Variants in TGFB1 observed in about 807,000 individuals in gnomAD.
TGFB1 encodes transforming growth factor beta 1, also known as transforming growth factor beta-1 proprotein.
Under a neutral mutation model 43.8 loss-of-function variants are expected in TGFB1, and 19 were observed. The ratio of observed to expected loss-of-function variants is 0.43; its 90% CI spans 0.30 to 0.64. The LOEUF (loss-of-function observed/expected upper bound fraction) is 0.64, where lower values mean the gene tolerates loss of function less well. Ranked by LOEUF, TGFB1 falls within the 30% of genes least tolerant of loss-of-function variation. The pLI, the probability that TGFB1 is intolerant of heterozygous loss-of-function variation, is 0.11. For synonymous variants in TGFB1, 221 were observed against 236.3 expected, an observed-to-expected ratio of 0.94 and a Z score of 0.60; for missense variants, 445 against 529.8, an observed-to-expected ratio of 0.84 and a Z score of 1.57.
At chr19:41,331,810 C>T (rs755537583) in intron 6 of TGFB1, among the ~76,000 whole-genome samples, 1 of 151,544 alleles carries the variant, frequency 6.6e-6, no homozygotes, top group African/African-American at 2.4e-5. Context: ...GTGTCTGTAT[C>T]TGTCTCTCTC....
chr19:41,335,056 C>CTTTTTT (rs66780031), intron 5 of TGFB1, among the ~76,000 whole-genome samples: 1 of 144,092 alleles, frequency 6.9e-6, no homozygotes, highest in African/African-American at 2.6e-5. Flanking sequence ...TGTCCGGAAT[C>CTTTTTT]TTTTTTTTTT....
chr19:41,345,149 G>A (rs1281382591), intron 2 of TGFB1, among the ~76,000 whole-genome samples: 2 of 152,166 alleles, frequency 1.3e-5, no homozygotes, highest in Non-Finnish European at 2.9e-5. Flanking sequence ...TTCCTCATTG[G>A]TGAAATGCTA....
At chr19:41,351,906 C>G (rs1319877049) in intron 1 of TGFB1, among the ~76,000 whole-genome samples, 1 of 151,952 alleles carries the variant, frequency 6.6e-6, no homozygotes, top group African/African-American at 2.4e-5. Context: ...ACCCAGGACT[C>G]TAGGTCTTCT....
At chr19:41,332,012 T>A in intron 6 of TGFB1, 116 bp downstream of exon 6, 49 of 1,100,812 alleles carry the variant, frequency 4.5e-5, no homozygotes, top group Middle Eastern at 2.2e-4. Context: ...ACCCCATCCC[T>A]CTCTTTCTCC....
intron 1 of TGFB1, among the ~76,000 whole-genome samples, chr19:41,351,927 TTCC>T (rs1006689274): frequency 7.2e-5 from 11 of 152,014 alleles, no homozygotes; most frequent in African/African-American, 2.4e-4. Flanking sequence ...GGAAGCTCGA[TTCC>T]TCCGCTGGGC....
chr19:41,341,000 G>C (rs747688417), intron 5 of TGFB1, among the ~76,000 whole-genome samples: 45 of 152,100 alleles, frequency 3.0e-4, no homozygotes, highest in Non-Finnish European at 6.3e-4. Context: ...ACAATCACAG[G>C]GTTCAACTTT....
chr19:41,339,125 A>ATTTTTTT (rs35169655), intron 5 of TGFB1, among the ~76,000 whole-genome samples: 1 of 140,720 alleles, frequency 7.1e-6, no homozygotes. Context: ...TTCAGGTTTG[A>ATTTTTTT]TTTTTTTTTT....
chr19:41,331,025 C>T lies in TGFB1; in HGVS notation c.*27G>A, dbSNP rs1431588394. On this transcript the variant is annotated 3_prime_UTR_variant, in exon 7 of 7. Transcript: ENST00000221930. ...CGGGGCGGGGTGGGGCCGGGCCTGC[C>T]GGGGCGGGGCGGGGCGGGGCGGGAC... The T allele has an allele frequency of 2.6e-6, 2 of 781,386 alleles. No homozygotes were observed. The highest frequency in any genetic ancestry group is 3.0e-5 in the South Asian group (1 of 33,578). The allele number at this position is 781,386 out of a possible 1,614,324, so 48.4% of individuals were successfully genotyped here.
Position 41,331,081 on chromosome 19 carries a change from T to G in TGFB1, c.1144A>C (p.Met382Leu). The change falls in exon 7 of 7, where the codon ATG (methionine) becomes CTG (leucine). Residue 382 changes from methionine (M) to leucine (L), a missense_variant. This residue lies in a region of TGFB1 where 56 missense variants were observed against 46.9 expected (regional missense o/e 1.19). Coordinates refer to ENST00000221930, the MANE Select transcript of TGFB1 (RefSeq NM_000660.7). ...RKPKVEQLSN[M>L]IVRSCKCS ...CTGCACTTGCAGGAGCGCACGATCA[T>G]GTTGGACAGCTGCTCCACCTTGGGC... 1 of 1,583,838 alleles carries G rather than the reference T, an allele frequency of 6.3e-7. No individual in the cohort carries two copies. The highest frequency in any genetic ancestry group is 1.1e-5 in the South Asian group (1 of 87,566).
rs1038258250 is a variant in TGFB1, at chr19:41,330,694, T to TTCA, written c.*357_*358insTGA. The TTCA allele has an allele frequency of 2.4e-5, 5 of 208,034 alleles. No homozygotes were observed. The highest frequency in any genetic ancestry group is 4.7e-5 in the African/African-American group (2 of 42,790). 12.9% of individuals were successfully genotyped at this position (208,034 alleles called of 1,614,324 possible). A position where few individuals can be genotyped will look rare whatever the true frequency, so the allele number is the denominator to read the frequency against. The stretch of plus-strand genomic sequence containing the variant: ...TCAGAGTGTTGCTATGGTGACTGAA[T>TTCA]GAGTTCATTAATGTAAGGCACTTCA... On this transcript the variant is annotated 3_prime_UTR_variant, in exon 7 of 7. Transcript: ENST00000221930.
chr19:41,331,522 C>A (rs2037930671), intron 6 of TGFB1, among the ~76,000 whole-genome samples: 1 of 151,496 alleles, frequency 6.6e-6, no homozygotes, highest in East Asian at 1.9e-4. Flanking sequence ...CCCGCCTCAG[C>A]CTCCGGAGTA....
At chr19:41,339,956 C>G (rs1464350341) in intron 5 of TGFB1, among the ~76,000 whole-genome samples, 1 of 152,092 alleles carries the variant, frequency 6.6e-6, no homozygotes, top group East Asian at 1.9e-4. Context: ...GAGACAGGAC[C>G]AAAATATTTT....
chr19:41,340,699 T>C (rs1379106450), intron 5 of TGFB1, among the ~76,000 whole-genome samples: 1 of 152,198 alleles, frequency 6.6e-6, no homozygotes, highest in African/African-American at 2.4e-5. Context: ...TTTGTGGATG[T>C]GAATATTTCA....
intron 1 of TGFB1, among the ~76,000 whole-genome samples, chr19:41,351,787 CT>C (rs2038199520): frequency 1.2e-5 from 1 of 84,364 alleles, no homozygotes; most frequent in Admixed American, 1.1e-4. Flanking sequence ...GCCCATTCCC[CT>C]GCATCCTGCG....
chr19:41,330,789 A>AT lies in TGFB1; in HGVS notation c.*262dup. On this transcript the variant is annotated 3_prime_UTR_variant, in exon 7 of 7. Coordinates refer to ENST00000221930, the MANE Select transcript of TGFB1 (RefSeq NM_000660.7). The stretch of plus-strand genomic sequence containing the variant: ...TTCCCCACTGGTCCCCTGTGCCTTG[A>AT]TGCCGGGCAAAGGAATAGTGCAGAC... 2.1e-6 allele frequency: 1 copy of AT among 466,008 alleles called. No homozygotes were observed. Among genetic ancestry groups the AT allele is most frequent in the Non-Finnish European group, 3.8e-6 (1 of 260,804 alleles). The allele number at this position is 466,008 out of a possible 1,614,324, so 28.9% of individuals were successfully genotyped here.
chr19:41,340,318 G>A lies in TGFB1; in HGVS notation c.860+1565C>T, dbSNP rs574126397. On this transcript the variant is annotated intron_variant, in intron 5 of 6. Coordinates refer to ENST00000221930, the MANE Select transcript of TGFB1 (RefSeq NM_000660.7). Reference sequence around the variant, plus strand: ...ATTGCCCAGGCCGGAGTGCAGTGGCGCGATCTCGGTTCACTGCAACCTCCA... The same window carrying A: ...ATTGCCCAGGCCGGAGTGCAGTGGCACGATCTCGGTTCACTGCAACCTCCA... 7.4e-5 allele frequency among the ~76,000 whole-genome samples: 11 copies of A among 147,794 alleles called. No individual in the cohort carries two copies. The South Asian group carries it at 1.7e-3, about 23-fold the overall frequency.
rs552427304 is a variant in TGFB1 at position 41,344,490 on chromosome 19, A to G, written c.634+257T>C. ...AGCTACCTAGCCAATGGACTATATG[A>G]GCTCTGTGAGGGCAAGGATGGGGCT... is the stretch of plus-strand genomic sequence containing the variant. On this transcript the variant is annotated intron_variant, in intron 3 of 6. Coordinates refer to ENST00000221930, the MANE Select transcript of TGFB1 (RefSeq NM_000660.7). Among the ~76,000 whole-genome samples, 7 of 152,172 alleles carry G rather than the reference A, an allele frequency of 4.6e-5. No individual in the cohort carries two copies. In the East Asian group the frequency reaches 1.4e-3, roughly 29 times the overall value.
Position 41,353,058 on chromosome 19 carries a change from C to A in TGFB1, c.-14G>T. 2.0e-6 allele frequency: 3 copies of A among 1,512,360 alleles called. No individual in the cohort carries two copies. Among genetic ancestry groups the A allele is most frequent in the Non-Finnish European group, 1.8e-6 (2 of 1,135,248 alleles). The allele number at this position is 1,512,360 out of a possible 1,614,324, so 93.7% of individuals were successfully genotyped here. On this transcript the variant is annotated 5_prime_UTR_variant, in exon 1 of 7. Coordinates refer to ENST00000221930, the MANE Select transcript of TGFB1 (RefSeq NM_000660.7). The surrounding 1 kb of genome is among the most constrained non-coding windows in gnomAD (Gnocchi z 5.9). ...GGAGGGCGGCATGGGGGAGGCGGCG[C>A]CCCCCGGCACTGCCGAGAGCGCGAA...
chr19:41,342,386 CTCTCTT>C (rs1410036037), intron 3 of TGFB1, 139 bp from the exon 4 acceptor site: 17 of 590,834 alleles, frequency 2.9e-5, no homozygotes, highest in Non-Finnish European at 4.6e-5. Flanking sequence ...CACTGCAGCT[CTCTCTT>C]TTTTTTTTTT....
Sources: allele counts gnomAD v4.1 joint callset (sites outside exome capture counted in the v4.1 genomes callset), GRCh38; gene constraint gnomAD v4.1.1; regional missense constraint gnomAD v4.1.1; non-coding constraint Gnocchi (gnomAD v3.1); transcripts MANE v1.5; gene names NCBI Gene and HGNC (gene_info 2026-07-23, HGNC 2026-07-21).